The following ARHGAP32 variants were observed in gnomAD, a reference collection of about 807,000 sequenced individuals.
ARHGAP32 encodes the protein Rho GTPase activating protein 32, also known as rho GTPase-activating protein 32.
ARHGAP32 carries 51 observed loss-of-function variants against 186.5 expected under a neutral mutation model. The observed-to-expected ratio is 0.27, with a 90% confidence interval of 0.22 to 0.35. The LOEUF (loss-of-function observed/expected upper bound fraction) is 0.35, where lower values mean the gene tolerates loss of function less well. Ranked by LOEUF, ARHGAP32 falls within the 10% of genes least tolerant of loss-of-function variation. ARHGAP32 has a pLI of 1.00. For missense variants in ARHGAP32, 2,186 were observed against 2,623.5 expected, an observed-to-expected ratio of 0.83 and a Z score of 3.64; for synonymous variants, 950 against 964.3, an observed-to-expected ratio of 0.99 and a Z score of 0.27.
intron 1 of ARHGAP32, among the ~76,000 whole-genome samples, chr11:129,236,426 G>A (rs1242812643): frequency 6.6e-6 from 1 of 151,992 alleles, no homozygotes; most frequent in East Asian, 1.9e-4. Context: ...TGTTTGGTTT[G>A]TTCTTGCTGA....
intron 1 of ARHGAP32, among the ~76,000 whole-genome samples, chr11:129,256,636 T>C (rs1945258068): frequency 6.6e-6 from 1 of 152,128 alleles, no homozygotes; most frequent in South Asian, 2.1e-4. Flanking sequence ...TCCAAAAATC[T>C]CAGAGACTTC....
intron 6 of ARHGAP32, among the ~76,000 whole-genome samples, chr11:129,086,017 C>CGA (rs368962139): frequency 2.1e-4 from 27 of 127,924 alleles, no homozygotes; most frequent in Non-Finnish European, 3.6e-4. Flanking sequence ...AACAAACAAA[C>CGA]AAAAAAAAAA....
intron 2 of ARHGAP32, among the ~76,000 whole-genome samples, chr11:129,144,471 T>G (rs950317938): frequency 6.6e-6 from 1 of 152,158 alleles, no homozygotes; most frequent in South Asian, 2.1e-4. Flanking sequence ...ACTCAAGAGC[T>G]CTGAACTAAA....
intron 11 of ARHGAP32, among the ~76,000 whole-genome samples, chr11:129,002,975 A>C (rs1457380084): frequency 6.6e-6 from 1 of 151,860 alleles, no homozygotes. Flanking sequence ...CGCCCGGCTA[A>C]CTTTTTGTAT....
chr11:129,214,005 CG>C (rs1565470592), intron 1 of ARHGAP32, among the ~76,000 whole-genome samples: 2 of 151,692 alleles, frequency 1.3e-5, no homozygotes, highest in Non-Finnish European at 2.9e-5. Context: ...CCGGAAAACC[CG>C]TAACTCCAGT....
intron 5 of ARHGAP32, 144 bp from the exon 6 acceptor site, chr11:129,093,851 G>T: frequency 1.6e-6 from 1 of 631,004 alleles, no homozygotes; most frequent in Non-Finnish European, 2.8e-6. Context: ...GAACTTCATT[G>T]CTTAAGGCAG....
At chr11:129,124,936 T>C in intron 2 of ARHGAP32, 42 bp from the exon 3 acceptor site, 1 of 1,454,530 alleles carries the variant, frequency 6.9e-7, no homozygotes. Context: ...ATTACTTTAG[T>C]ATTACACTTT....
At chr11:129,228,641 A>G (rs776843360) in intron 1 of ARHGAP32, among the ~76,000 whole-genome samples, 8 of 152,170 alleles carry the variant, frequency 5.3e-5, no homozygotes, top group Non-Finnish European at 1.0e-4. Flanking sequence ...CTCACTATTA[A>G]GTGGGAGCTG....
At chr11:129,194,947 GT>G (rs1251884587), upstream of ARHGAP32, among the ~76,000 whole-genome samples, 2 of 111,320 alleles carry the variant, frequency 1.8e-5, no homozygotes, top group African/African-American at 7.1e-5. Flanking sequence ...TTGTTTTTTT[GT>G]GGGGGGGGGG....
intron 12 of ARHGAP32, among the ~76,000 whole-genome samples, chr11:128,996,690 A>C (rs1946209344): frequency 6.6e-6 from 1 of 152,166 alleles, no homozygotes. Flanking sequence ...TTTTCTCACA[A>C]TGGATTCTTA....
rs1241703836 is a variant in ARHGAP32 at position 128,998,160 on chromosome 11, A to C, written c.1195+159T>G. Among the ~76,000 whole-genome samples, 3 of 152,346 alleles carry C rather than the reference A, an allele frequency of 2.0e-5. No individual in the cohort carries two copies. In the East Asian group the frequency reaches 5.8e-4, roughly 29 times the overall value. ...GTGCATTCTTAGACTTTTCATTCTC[A>C]GCTCCATCCAGAACTGAGTACCTGA... On this transcript the variant is annotated intron_variant, in intron 12 of 22. Coordinates refer to ENST00000682385, the MANE Select transcript of ARHGAP32 (RefSeq NM_001378024.1).
chr11:128,992,104 T>C (rs1327631873), intron 12 of ARHGAP32, among the ~76,000 whole-genome samples: 5 of 152,298 alleles, frequency 3.3e-5, no homozygotes, highest in Non-Finnish European at 2.9e-5. Context: ...TTCTACCTAA[T>C]ATGACTACCA....
At position 128,965,687 on chromosome 11, in the gene ARHGAP32, A is replaced by G. The variant is rs1420792243; in HGVS notation, c.*3220T>C. 1 of 152,198 alleles carries G rather than the reference A, an allele frequency of 6.6e-6. No homozygotes were observed. Among genetic ancestry groups the G allele is most frequent in the Non-Finnish European group, 1.5e-5 (1 of 68,046 alleles). 9.4% of individuals were successfully genotyped at this position (152,198 alleles called of 1,614,324 possible). ...TGTCTGACATACTTTTGCTTTCATT[A>G]TTACTTTCTTACACATTCTGCTCAA... On this transcript the variant is annotated 3_prime_UTR_variant, in exon 23 of 23. Coordinates refer to ENST00000682385, the MANE Select transcript of ARHGAP32 (RefSeq NM_001378024.1).
At chr11:129,212,912 C>CA (rs1258001232) in intron 1 of ARHGAP32, among the ~76,000 whole-genome samples, 177 of 125,326 alleles carry the variant, frequency 1.4e-3, no homozygotes, top group Admixed American at 2.3e-3. Context: ...AATGTAGGTG[C>CA]AAAAAAAAAA....
chr11:129,140,917 T>C (rs919323789), intron 2 of ARHGAP32, among the ~76,000 whole-genome samples: 2 of 152,184 alleles, frequency 1.3e-5, no homozygotes, highest in Non-Finnish European at 2.9e-5. Context: ...TGGCAACGTT[T>C]TTTAATTCCC....
chr11:129,259,886 G>GT (rs1945300077), intron 1 of ARHGAP32, among the ~76,000 whole-genome samples: 1 of 151,940 alleles, frequency 6.6e-6, no homozygotes, highest in East Asian at 1.9e-4. Context: ...TTTGTTTTTT[G>GT]TTTTTTTGTT....
At chr11:129,232,023 CAAAAAAAAAAAAAAA>C (rs71057935) in intron 1 of ARHGAP32, among the ~76,000 whole-genome samples, 906 of 64,576 alleles carry the variant, frequency 0.014, 18 homozygotes, top group African/African-American at 0.051. Flanking sequence ...GAGACGGACT[CAAAAAAAAAAAAAAA>C]AAAAAAAAAA....
chr11:129,077,706 G>A (rs919068609), intron 6 of ARHGAP32, among the ~76,000 whole-genome samples: 4 of 152,020 alleles, frequency 2.6e-5, no homozygotes, highest in African/African-American at 9.7e-5. Flanking sequence ...TACCTGCCCT[G>A]GTAGCTGAAG....
chr11:129,236,166 C>A (rs1163339173), intron 1 of ARHGAP32, among the ~76,000 whole-genome samples: 1 of 152,104 alleles, frequency 6.6e-6, no homozygotes, highest in Non-Finnish European at 1.5e-5. Flanking sequence ...ATAGTGGTTG[C>A]GCTAGTTTCC....
Sources: gnomAD v4.1 joint callset for allele counts (sites outside exome capture counted in the v4.1 genomes callset) on GRCh38, gnomAD v4.1.1 for gene constraint, MANE v1.5 for transcripts, NCBI Gene and HGNC (gene_info 2026-07-23, HGNC 2026-07-21) for gene names.